Variants in KCTD16 observed in about 807,000 individuals in gnomAD.
The protein encoded by KCTD16 is potassium channel tetramerization domain containing 16.
Under a neutral mutation model 33.2 loss-of-function variants are expected in KCTD16, and 13 were observed. That is an observed-to-expected ratio of 0.39 (90% confidence interval 0.25 to 0.62). KCTD16 has a LOEUF of 0.62. Among genes scored for constraint, KCTD16 ranks in the 20% least tolerant of loss-of-function variants. The probability of loss-of-function intolerance (pLI) is 0.50; values close to 1 mark genes in which losing one functional copy is unlikely to be tolerated. For missense variants in KCTD16, 441 were observed against 525.1 expected (o/e 0.84, Z 1.57); for synonymous variants, 197 against 195.3 (o/e 1.01, Z -0.07).
At chr5:144,201,807 A>G (rs1042625258) in intron 2 of KCTD16, among the ~76,000 whole-genome samples, 1 of 152,224 alleles carries the variant, frequency 6.6e-6, no homozygotes, top group African/African-American at 2.4e-5. Flanking sequence ...TTGGGAGCAC[A>G]TAACACGATG....
intron 3 of KCTD16, among the ~76,000 whole-genome samples, chr5:144,396,055 A>T (rs1179784715): frequency 6.6e-6 from 1 of 152,172 alleles, no homozygotes; most frequent in African/African-American, 2.4e-5. Context: ...GCAGAAAAAA[A>T]TTGCAAACCC....
chr5:144,343,984 C>A (rs1403242534), intron 3 of KCTD16, among the ~76,000 whole-genome samples: 1 of 152,118 alleles, frequency 6.6e-6, no homozygotes, highest in Non-Finnish European at 1.5e-5. Flanking sequence ...GTAACCAAAA[C>A]AGCATGGTAC....
chr5:144,389,310 C>T (rs945346410), intron 3 of KCTD16, among the ~76,000 whole-genome samples: 2 of 152,124 alleles, frequency 1.3e-5, no homozygotes, highest in Non-Finnish European at 2.9e-5. Context: ...GAAGTTTCAT[C>T]TGTGTTTACA....
chr5:144,293,087 C>A (rs896301882), intron 3 of KCTD16, among the ~76,000 whole-genome samples: 8 of 152,144 alleles, frequency 5.3e-5, no homozygotes, highest in Non-Finnish European at 1.2e-4. Context: ...CTTTGCTTCC[C>A]TCAGTTCTCA....
At chr5:144,337,648 T>C (rs897856391) in intron 3 of KCTD16, among the ~76,000 whole-genome samples, 14 of 152,284 alleles carry the variant, frequency 9.2e-5, no homozygotes, top group African/African-American at 3.1e-4. Context: ...TAACCACTTA[T>C]ATGCAATATT....
intron 3 of KCTD16, among the ~76,000 whole-genome samples, chr5:144,299,413 C>T (rs545664313): frequency 2.0e-5 from 3 of 151,732 alleles, no homozygotes; most frequent in African/African-American, 7.2e-5. Flanking sequence ...AGGAAGAGGT[C>T]CCCTGATCTT....
At chr5:144,188,088 T>G (rs1465018850) in intron 2 of KCTD16, among the ~76,000 whole-genome samples, 1 of 152,202 alleles carries the variant, frequency 6.6e-6, no homozygotes, top group Non-Finnish European at 1.5e-5. Context: ...CTGCCATCAT[T>G]ATAGGTTTCT....
chr5:144,303,299 C>T (rs780679310), intron 3 of KCTD16, among the ~76,000 whole-genome samples: 1 of 152,184 alleles, frequency 6.6e-6, no homozygotes, highest in Non-Finnish European at 1.5e-5. Flanking sequence ...TCTTAATTAC[C>T]TAAGCTGGGG....
chr5:144,418,237 CA>C (rs1023278464), intron 3 of KCTD16, among the ~76,000 whole-genome samples: 1 of 152,126 alleles, frequency 6.6e-6, no homozygotes, highest in African/African-American at 2.4e-5. Context: ...TTACAAAGAG[CA>C]AAAGAACAAG....
chr5:144,378,545 A>G (rs1030423930), intron 3 of KCTD16, among the ~76,000 whole-genome samples: 1 of 152,190 alleles, frequency 6.6e-6, no homozygotes. Context: ...GATGTGTGCA[A>G]TATGTTAAGG....
chr5:144,304,305 A>AT (rs1305262206), intron 3 of KCTD16, among the ~76,000 whole-genome samples: 1 of 152,202 alleles, frequency 6.6e-6, no homozygotes, highest in Non-Finnish European at 1.5e-5. Context: ...CATGAAGCAC[A>AT]TGTGACATAG....
intron 3 of KCTD16, among the ~76,000 whole-genome samples, chr5:144,422,403 G>T (rs1048887608): frequency 2.0e-5 from 3 of 152,098 alleles, no homozygotes; most frequent in Admixed American, 2.0e-4. Flanking sequence ...AATTTCAAAC[G>T]GATCCACAAG....
At chr5:144,334,709 G>A (rs182694487) in intron 3 of KCTD16, among the ~76,000 whole-genome samples, 1 of 152,258 alleles carries the variant, frequency 6.6e-6, no homozygotes, top group East Asian at 1.9e-4. Flanking sequence ...ATTTCACATG[G>A]TAATGAAATG....
Position 144,402,634 on chromosome 5 carries a change from A to G in KCTD16, c.833-71026A>G, listed in dbSNP as rs149899477. Among the ~76,000 whole-genome samples, 1,214 of 152,262 alleles carry G rather than the reference A, an allele frequency of 8.0e-3. 13 individuals are homozygous for G. The highest frequency in any genetic ancestry group is 0.028 in the African/African-American group (1,150 of 41,536). Reference sequence around the variant, plus strand: ...CGTTGTTTTGAAGATTTCATAAGATAATCTCTCAAGAGGGTTTAGCTCAGT... The same window carrying G: ...CGTTGTTTTGAAGATTTCATAAGATGATCTCTCAAGAGGGTTTAGCTCAGT... On this transcript the variant is annotated intron_variant, in intron 3 of 3. Transcript: ENST00000512467.
rs200344402 is a variant in KCTD16, at chr5:144,277,593, G to A, written c.832+70047G>A. Reference sequence around the variant, plus strand: ...CAGTGGCAGGGCCAGCATTATCAATGTGATTTTTTTAAATTGATTTTTGAA... The same window carrying A: ...CAGTGGCAGGGCCAGCATTATCAATATGATTTTTTTAAATTGATTTTTGAA... On this transcript the variant is annotated intron_variant, in intron 3 of 3. Coordinates refer to ENST00000512467, the MANE Select transcript of KCTD16 (RefSeq NM_020768.4). 6.6e-5 allele frequency among the ~76,000 whole-genome samples: 10 copies of A among 152,296 alleles called. No individual in the cohort carries two copies. In the East Asian group the frequency reaches 1.9e-3, roughly 29 times the overall value.
chr5:144,176,202 G>A (rs571915710), intron 2 of KCTD16, among the ~76,000 whole-genome samples: 7 of 152,152 alleles, frequency 4.6e-5, no homozygotes, highest in Non-Finnish European at 8.8e-5. Context: ...CAAATACTAT[G>A]AAAAGTGTCC....
chr5:144,251,151 G>A (rs1309273875), intron 3 of KCTD16, among the ~76,000 whole-genome samples: 1 of 152,102 alleles, frequency 6.6e-6, no homozygotes, highest in Non-Finnish European at 1.5e-5. Context: ...ACCTGGTAGG[G>A]TCAATTAAGG....
intron 3 of KCTD16, among the ~76,000 whole-genome samples, chr5:144,277,980 G>T (rs976851242): frequency 6.6e-6 from 1 of 152,078 alleles, no homozygotes; most frequent in Non-Finnish European, 1.5e-5. Context: ...CATGTAGCTA[G>T]TCTTTTCATT....
At chr5:144,299,124 ATATATATATATATATATATATATATTTT>A (rs1332829296) in intron 3 of KCTD16, among the ~76,000 whole-genome samples, 24 of 23,006 alleles carry the variant, frequency 1.0e-3, no homozygotes, top group Middle Eastern at 0.017. Context: ...ATATATATAT[ATATATATATATATATATATATATATTTT>A]TTTTTTTTTT....
Sources: gnomAD v4.1 joint callset for allele counts (sites outside exome capture counted in the v4.1 genomes callset) on GRCh38, gnomAD v4.1.1 for gene constraint, MANE v1.5 for transcripts, NCBI Gene and HGNC (gene_info 2026-07-23, HGNC 2026-07-21) for gene names.